GALNT10: variants seen among roughly 807,000 people sequenced by gnomAD.
GALNT10 encodes the protein polypeptide N-acetylgalactosaminyltransferase 10, also known as GalNAc transferase 10.
Under a neutral mutation model 75.0 loss-of-function variants are expected in GALNT10, and 41 were observed. The observed-to-expected ratio is 0.55, with a 90% CI of 0.43 to 0.71. GALNT10 has a LOEUF of 0.71. Ranked by LOEUF, GALNT10 falls within the 30% of genes least tolerant of loss-of-function variation. The probability of loss-of-function intolerance (pLI) is 0.00; values close to 1 mark genes in which losing one functional copy is unlikely to be tolerated. For synonymous variants in GALNT10, 302 were observed against 313.0 expected (o/e 0.96, Z 0.37); for missense variants, 727 against 818.5 (o/e 0.89, Z 1.36).
chr5:154,214,838 T>G (rs1295573209), intron 1 of GALNT10, among the ~76,000 whole-genome samples: 6 of 152,210 alleles, frequency 3.9e-5, no homozygotes, highest in Admixed American at 3.9e-4. Flanking sequence ...AACCTAGAGC[T>G]GTCAGCAATT....
At chr5:154,356,286 G>A in intron 4 of GALNT10, 1 of 445,260 alleles carries the variant, frequency 2.2e-6, no homozygotes, top group Non-Finnish European at 4.5e-6. Context: ...ATCTGCATGT[G>A]AGAGGAAATA....
chr5:154,192,992 A>G (rs1308036856), intron 1 of GALNT10, among the ~76,000 whole-genome samples: 1 of 152,198 alleles, frequency 6.6e-6, no homozygotes, highest in African/African-American at 2.4e-5. Flanking sequence ...AGAGTAAGGC[A>G]GACTTTTGGG....
At chr5:154,279,353 G>T (rs34530015) in intron 1 of GALNT10, among the ~76,000 whole-genome samples, 54,587 of 148,986 alleles carry the variant, frequency 0.37, 12,013 homozygotes, top group East Asian at 0.76. Flanking sequence ...GCCCAGGCTG[G>T]AGTACAATGG....
At chr5:154,326,199 C>G (rs1754754719) in intron 3 of GALNT10, among the ~76,000 whole-genome samples, 1 of 152,052 alleles carries the variant, frequency 6.6e-6, no homozygotes, top group South Asian at 2.1e-4. Flanking sequence ...AAGGAGATAC[C>G]ACTTCACACT....
chr5:154,378,259 G>A (rs1755686611), intron 5 of GALNT10, among the ~76,000 whole-genome samples: 1 of 152,152 alleles, frequency 6.6e-6, no homozygotes, highest in Non-Finnish European at 1.5e-5. Context: ...ACATTTCTGA[G>A]ACTGAGAAGG....
At chr5:154,212,690 C>T (rs961475473) in intron 1 of GALNT10, among the ~76,000 whole-genome samples, 2 of 151,180 alleles carry the variant, frequency 1.3e-5, no homozygotes, top group South Asian at 2.1e-4. Flanking sequence ...GGCTCCAGGC[C>T]GGGCATGGTG....
chr5:154,308,458 T>C (rs929798017), intron 3 of GALNT10, among the ~76,000 whole-genome samples: 1 of 152,170 alleles, frequency 6.6e-6, no homozygotes, highest in Admixed American at 6.5e-5. Context: ...AATGGTGATG[T>C]AAGCCTGGGG....
In GALNT10 at chr5:154,233,012, G is replaced by A. The variant is rs142764277; in HGVS notation, c.159+41987G>A. Among the ~76,000 whole-genome samples, 285 of 152,228 alleles carry A rather than the reference G, an allele frequency of 1.9e-3. 2 individuals carry two copies. The highest frequency in any genetic ancestry group is 5.7e-3 in the African/African-American group (235 of 41,536). On this transcript the variant is annotated intron_variant, in intron 1 of 11. Transcript: ENST00000297107. ...CATCAGCTATGCCACTTACAAGGTC[G>A]CTGATCTTGGACAAGTTACTCAGCC... is the stretch of plus-strand genomic sequence containing the variant.
At chr5:154,270,709 T>C (rs1753848190) in intron 1 of GALNT10, among the ~76,000 whole-genome samples, 1 of 152,134 alleles carries the variant, frequency 6.6e-6, no homozygotes, top group Non-Finnish European at 1.5e-5. Flanking sequence ...AAATTGGAAC[T>C]CCTGGCTGGG....
intron 1 of GALNT10, among the ~76,000 whole-genome samples, chr5:154,294,280 G>A (rs972411106): frequency 2.6e-5 from 4 of 152,152 alleles, no homozygotes; most frequent in African/African-American, 7.2e-5. Flanking sequence ...GCTGCAGTGA[G>A]CCATCGTAGT....
chr5:154,380,432 C>G lies in GALNT10; in HGVS notation c.755-16C>G, dbSNP rs1234842146. On this transcript the variant is annotated splice_polypyrimidine_tract_variant and intron_variant, in intron 5 of 11. Coordinates refer to ENST00000297107, the MANE Select transcript of GALNT10 (RefSeq NM_198321.4). Reference sequence around the variant, plus strand: ...CCATCCTGCTTCATCTGATAGGCATCTCTTGGCTTCTTCAGACCGCATTGC... The same window carrying G: ...CCATCCTGCTTCATCTGATAGGCATGTCTTGGCTTCTTCAGACCGCATTGC... The G allele has an allele frequency of 1.2e-6, 2 of 1,606,308 alleles. No homozygotes were observed. The highest frequency in any genetic ancestry group is 1.7e-6 in the Non-Finnish European group (2 of 1,173,914).
At chr5:154,267,316 G>A (rs1273450190) in intron 1 of GALNT10, among the ~76,000 whole-genome samples, 1 of 152,160 alleles carries the variant, frequency 6.6e-6, no homozygotes, top group South Asian at 2.1e-4. Flanking sequence ...GAAAGTGGTA[G>A]CAGGTAGAGG....
intron 1 of GALNT10, among the ~76,000 whole-genome samples, chr5:154,206,249 A>T (rs1156757970): frequency 6.6e-6 from 1 of 151,892 alleles, no homozygotes; most frequent in Non-Finnish European, 1.5e-5. Flanking sequence ...TCAACCTGTT[A>T]AAAAAAACCT....
At position 154,415,873 on chromosome 5, in the gene GALNT10, C is replaced by G; in HGVS notation, c.1594C>G (p.Pro532Ala). ...CTTTGATGCCATTTCCCACACCAGC[C>G]CTGTCACGCTGTACGACTGCCACAG... is the stretch of plus-strand genomic sequence containing the variant. ...FCFDAISHTS[P>A]VTLYDCHSMK... is the part of the protein sequence containing the mutation. Residue 532 changes from proline (P) to alanine (A), a missense_variant, in exon 11 of 12, where the codon CCT becomes GCT. Coordinates refer to ENST00000297107, the MANE Select transcript of GALNT10 (RefSeq NM_198321.4). 1.2e-6 allele frequency: 2 copies of G among 1,614,166 alleles called. No homozygotes were observed. Among genetic ancestry groups the G allele is most frequent in the Non-Finnish European group, 1.7e-6 (2 of 1,180,010 alleles).
intron 1 of GALNT10, among the ~76,000 whole-genome samples, chr5:154,212,920 A>C (rs780014592): frequency 3.3e-5 from 5 of 150,112 alleles, no homozygotes; most frequent in Non-Finnish European, 5.9e-5. Flanking sequence ...GTGAGCGGAG[A>C]TCGCGCCACT....
intron 4 of GALNT10, among the ~76,000 whole-genome samples, chr5:154,351,314 G>A: frequency 6.6e-6 from 1 of 151,938 alleles, no homozygotes; most frequent in East Asian, 2.0e-4. Flanking sequence ...CTGACCTGAG[G>A]GCCTGCCCTC....
chr5:154,380,652 C>T (rs1305647411), intron 6 of GALNT10, 21 bp downstream of exon 6: 2 of 1,576,092 alleles, frequency 1.3e-6, no homozygotes, highest in East Asian at 2.3e-5. Context: ...ACAACCCTGG[C>T]TGGTCCCAGT....
intron 7 of GALNT10, chr5:154,392,224 A>G (rs1395134968): frequency 2.0e-5 from 3 of 152,352 alleles, no homozygotes; most frequent in Non-Finnish European, 4.4e-5. Flanking sequence ...ATCTCAGCTT[A>G]TATAGATGGC....
intron 3 of GALNT10, among the ~76,000 whole-genome samples, chr5:154,327,428 G>A (rs895337884): frequency 3.3e-5 from 5 of 152,042 alleles, no homozygotes; most frequent in African/African-American, 9.7e-5. Flanking sequence ...GAATATTTTC[G>A]TATCTTTTAT....
Sources: allele counts gnomAD v4.1 joint callset (sites outside exome capture counted in the v4.1 genomes callset), GRCh38; gene constraint gnomAD v4.1.1; transcripts MANE v1.5; gene names NCBI Gene and HGNC (gene_info 2026-07-23, HGNC 2026-07-21).